The following KMT2C variants were observed in gnomAD, a reference collection of about 807,000 sequenced individuals.
KMT2C encodes histone-lysine N-methyltransferase 2C.
KMT2C carries 88 observed loss-of-function variants against 507.9 expected under a neutral mutation model. The ratio of observed to expected loss-of-function variants is 0.17; its 90% CI spans 0.15 to 0.21. The LOEUF (loss-of-function observed/expected upper bound fraction) is 0.21. Among genes scored for constraint, KMT2C ranks in the 10% least tolerant of loss-of-function variants. KMT2C has a pLI of 1.00. For synonymous variants in KMT2C, 2,049 were observed against 2,080.8 expected, an observed-to-expected ratio of 0.98 and a Z score of 0.42; for missense variants, 4,954 against 5,957.8, an observed-to-expected ratio of 0.83 and a Z score of 5.55.
chr7:152,187,448 C>T lies in KMT2C; in HGVS notation c.4822G>A (p.Ala1608Thr), dbSNP rs373324829. 26 of 1,613,734 alleles carry T rather than the reference C, an allele frequency of 1.6e-5. No homozygotes were observed. Among genetic ancestry groups the T allele is most frequent in the African/African-American group, 2.7e-5 (2 of 74,956 alleles). Residue 1608 changes from alanine to threonine, a missense_variant, in exon 33 of 59, where the codon GCA becomes ACA. Ala to Thr is a moderately conservative substitution (Grantham distance 58, BLOSUM62 0). Coordinates refer to ENST00000262189, the MANE Select transcript of KMT2C (RefSeq NM_170606.3). ...GTCCAAGAGTTGTTAGGATCACTTG[C>T]CATTGGATTAAAGGCTGAATTTTTA... Reference protein sequence around the residue: ...RDKNSAFNPMASDPNNSWTSS... With the variant: ...RDKNSAFNPMTSDPNNSWTSS...
In KMT2C at chr7:152,232,819, T is replaced by C. The variant is rs17173383; in HGVS notation, c.2770-2498A>G. 9.0e-3 allele frequency among the ~76,000 whole-genome samples: 1,366 copies of C among 152,244 alleles called. 25 individuals are homozygous for C. The highest frequency in any genetic ancestry group is 0.032 in the African/African-American group (1,316 of 41,534). Reference sequence around the variant, plus strand: ...CTAAAAGTAATCATTAATTCAGTCATAGAACTAATGATGCATTGACAAGAC... The same window carrying C: ...CTAAAAGTAATCATTAATTCAGTCACAGAACTAATGATGCATTGACAAGAC... On this transcript the variant is annotated intron_variant, in intron 16 of 58. Coordinates refer to ENST00000262189, the MANE Select transcript of KMT2C (RefSeq NM_170606.3).
rs2093450925 is a variant in KMT2C, at chr7:152,182,032, G to A, written c.5828C>T (p.Ala1943Val). 1 of 1,614,062 alleles carries A rather than the reference G, an allele frequency of 6.2e-7. No individual in the cohort carries two copies. Residue 1943 changes from alanine to valine, a missense_variant, in exon 36 of 59, where the codon GCA (alanine) becomes GTA (valine). Ala to Val is a moderately conservative substitution (Grantham distance 64). This residue lies in a region of KMT2C where 1,689 missense variants were observed against 1,654.3 expected (regional missense o/e 1.02). Transcript: ENST00000262189. The part of the protein sequence containing the change: ...SRPLQMNETT[A>V]NRPSPVRDLC... The stretch of plus-strand genomic sequence containing the variant: ...ATCTCTGACAGGGGATGGCCTATTT[G>A]CTGTTGTCTCATTCATTTGAAGGGG...
intron 14 of KMT2C, among the ~76,000 whole-genome samples, chr7:152,247,556 T>TAAA (rs2095492168): frequency 6.6e-6 from 1 of 152,312 alleles, no homozygotes; most frequent in Non-Finnish European, 1.5e-5. Flanking sequence ...TAGATGTTAG[T>TAAA]TACTGTATAC....
At chr7:152,358,824 A>C (rs578241787) in intron 1 of KMT2C, 149 bp from the exon 2 acceptor site, 1 of 567,450 alleles carries the variant, frequency 1.8e-6, no homozygotes, top group Admixed American at 3.1e-5. Context: ...CAAGTAGAAA[A>C]TATCAGAGTT....
intron 43 of KMT2C, 119 bp downstream of exon 43, chr7:152,161,998 G>A: frequency 8.7e-7 from 1 of 1,144,550 alleles, no homozygotes; most frequent in Non-Finnish European, 1.1e-6. Flanking sequence ...AATAAAAAAT[G>A]GTCCTTTAGA....
At chr7:152,401,080 G>A (rs188853508) in intron 1 of KMT2C, among the ~76,000 whole-genome samples, 202 of 151,212 alleles carry the variant, frequency 1.3e-3, no homozygotes, top group Non-Finnish European at 1.9e-3. Flanking sequence ...TCATAATAAT[G>A]TAGAAACTAT....
intron 6 of KMT2C, among the ~76,000 whole-genome samples, chr7:152,279,219 A>G (rs370796635): frequency 3.1e-4 from 47 of 152,358 alleles, no homozygotes; most frequent in East Asian, 1.7e-3. Context: ...TCCTTTCTAT[A>G]TAACGGCAGA....
At chr7:152,400,130 G>A (rs2097563449) in intron 1 of KMT2C, among the ~76,000 whole-genome samples, 1 of 150,982 alleles carries the variant, frequency 6.6e-6, no homozygotes. Context: ...AACAAACACG[G>A]TGAAACCCCC....
At position 152,368,204 on chromosome 7, in the gene KMT2C, T is replaced by C. The variant is rs2097263021; in HGVS notation, c.162-9529A>G. The C allele has an allele frequency of 3.4e-6, 3 of 894,468 alleles. No homozygotes were observed. In the East Asian group the frequency reaches 7.2e-5, roughly 21 times the overall value. The allele number at this position is 894,468 out of a possible 1,614,324, so 55.4% of individuals were successfully genotyped here. On this transcript the variant is annotated intron_variant, in intron 1 of 58. Transcript: ENST00000262189. ...GGTGAACATTGTGATTTTACAATTCTAAGAAATATGCTGATAAAAACACAC... is the reference window on the plus strand; with the variant it reads ...GGTGAACATTGTGATTTTACAATTCCAAGAAATATGCTGATAAAAACACAC...
At chr7:152,188,064 C>A (rs2093677218) in intron 31 of KMT2C, among the ~76,000 whole-genome samples, 1 of 152,158 alleles carries the variant, frequency 6.6e-6, no homozygotes, top group South Asian at 2.1e-4. Flanking sequence ...CATTTGACTT[C>A]TGTATTCTCA....
At chr7:152,279,192 C>T (rs2096151151) in intron 6 of KMT2C, among the ~76,000 whole-genome samples, 1 of 152,182 alleles carries the variant, frequency 6.6e-6, no homozygotes, top group African/African-American at 2.4e-5. Flanking sequence ...AATCTATCCA[C>T]TGGCAAAATT....
chr7:152,327,800 T>C (rs2096842605), intron 3 of KMT2C, among the ~76,000 whole-genome samples: 1 of 151,228 alleles, frequency 6.6e-6, no homozygotes, highest in African/African-American at 2.4e-5. Flanking sequence ...CTACTAAAAA[T>C]ACAAAAAATT....
rs1377512966 is a variant in KMT2C at position 152,144,633 on chromosome 7, C to T, written c.14343+80G>A. ...CCCTGCAGCTATGTGAAATCATTTT[C>T]ACATACTGGACATCAATAGCTTCAG... On this transcript the variant is annotated intron_variant, in intron 55 of 58. Coordinates refer to ENST00000262189, the MANE Select transcript of KMT2C (RefSeq NM_170606.3). The surrounding 1 kb of genome is among the most constrained non-coding windows in gnomAD (Gnocchi z 4.4). 7.3e-7 allele frequency: 1 copy of T among 1,362,610 alleles called. No individual in the cohort carries two copies. Among genetic ancestry groups the T allele is most frequent in the African/African-American group, 1.4e-5 (1 of 69,472 alleles). 84.4% of individuals were successfully genotyped at this position (1,362,610 alleles called of 1,614,324 possible).
rs1179763290 is a variant in KMT2C, at chr7:152,167,336, G to C, written c.9560C>G (p.Thr3187Ser). The C allele has an allele frequency of 6.2e-7, 1 of 1,613,752 alleles. No individual in the cohort carries two copies. Among genetic ancestry groups the C allele is most frequent in the Non-Finnish European group, 8.5e-7 (1 of 1,179,854 alleles). The part of the protein sequence containing the change: ...RKQYEEWLQE[T>S]QQLLQMQQKY... ...CTGCTGCATTTGAAGCAGCTGTTGG[G>C]TCTCCTGGAGCCACTCTTCATACTG... Residue 3187 changes from threonine to serine, a missense_variant, in exon 42 of 59, where the codon ACC becomes AGC. This residue lies in a region of KMT2C where 71 missense variants were observed against 139.2 expected (regional missense o/e 0.51). Transcript: ENST00000262189.
At position 152,139,255 on chromosome 7, in the gene KMT2C, C is replaced by T. The variant is rs1260358874; in HGVS notation, c.14465G>A (p.Arg4822His). Residue 4822 changes from arginine to histidine, a missense_variant, in exon 57 of 59, where the codon CGT becomes CAT. This residue lies in a region of KMT2C where 133 missense variants were observed against 258.9 expected (regional missense o/e 0.51). Coordinates refer to ENST00000262189, the MANE Select transcript of KMT2C (RefSeq NM_170606.3). ...RKEKLYESQN[R>H]GVYMFRMDND... The stretch of plus-strand genomic sequence containing the variant: ...ATCCATGCGGAACATGTACACACCA[C>T]GGTTCTGAGGGAAAAGTCAGTCAGT... 8.7e-6 allele frequency: 14 copies of T among 1,613,264 alleles called. No individual in the cohort carries two copies. The highest frequency in any genetic ancestry group is 5.3e-5 in the African/African-American group (4 of 74,912).
At chr7:152,149,430 T>G (rs1307744277) in intron 51 of KMT2C, among the ~76,000 whole-genome samples, 1 of 152,226 alleles carries the variant, frequency 6.6e-6, no homozygotes, top group Non-Finnish European at 1.5e-5. Context: ...GCTCTTACAC[T>G]TTCTGGGACA....
Position 152,163,711 on chromosome 7 carries a change from G to A in KMT2C, c.9866C>T (p.Pro3289Leu), listed in dbSNP as rs144248018. 1.4e-4 allele frequency: 231 copies of A among 1,614,014 alleles called. No individual in the cohort carries two copies. Among genetic ancestry groups the A allele is most frequent in the Non-Finnish European group, 1.8e-4 (213 of 1,180,034 alleles). ...TMMPSVQPQP[P>L]LIPGATPPTM... ...GGGTGGAGTGGCACCTGGAATTAGG[G>A]GTGGCTGGGGCTGGACACTGGGCAT... Residue 3289 changes from proline to leucine, a missense_variant, in exon 43 of 59, where the codon CCC (proline) becomes CTC (leucine). By Grantham distance (98) the Pro-to-Leu change is moderately conservative (BLOSUM62 -3). Coordinates refer to ENST00000262189, the MANE Select transcript of KMT2C (RefSeq NM_170606.3).
intron 52 of KMT2C, among the ~76,000 whole-genome samples, chr7:152,147,477 A>G (rs1022830627): frequency 1.3e-5 from 2 of 152,094 alleles, no homozygotes; most frequent in African/African-American, 4.8e-5. Context: ...TGAGGTCAGG[A>G]GTTTGAGCCC....
Position 152,322,064 on chromosome 7 carries a change from A to G in KMT2C, c.390-6726T>C, listed in dbSNP as rs556255574. ...AATAGTATGGTACTGGCACCAAAAA[A>G]AAAAAAACCATACATCTGGACAGGC... On this transcript the variant is annotated intron_variant, in intron 3 of 58. Transcript: ENST00000262189. Among the ~76,000 whole-genome samples, 117 of 151,950 alleles carry G rather than the reference A, an allele frequency of 7.7e-4. 1 individual carries two copies. The highest frequency in any genetic ancestry group is 1.5e-3 in the Non-Finnish European group (99 of 67,914).
Sources: allele counts gnomAD v4.1 joint callset (sites outside exome capture counted in the v4.1 genomes callset), GRCh38; gene constraint gnomAD v4.1.1; regional missense constraint gnomAD v4.1.1; non-coding constraint Gnocchi (gnomAD v3.1); transcripts MANE v1.5; gene names NCBI Gene and HGNC (gene_info 2026-07-23, HGNC 2026-07-21).